DLGAP2: variants seen among roughly 807,000 people sequenced by gnomAD.
DLGAP2 encodes DLG associated protein 2.
A neutral mutation model predicts 100.3 loss-of-function variants in DLGAP2; 26 were observed. The ratio of observed to expected loss-of-function variants is 0.26; its 90% CI spans 0.19 to 0.36. The LOEUF (loss-of-function observed/expected upper bound fraction) is 0.36, where lower values mean the gene tolerates loss of function less well. Among genes scored for constraint, DLGAP2 ranks in the 10% least tolerant of loss-of-function variants. The pLI is 1.00. For synonymous variants in DLGAP2, 886 were observed against 630.1 expected (o/e 1.41, Z -6.08); for missense variants, 1,858 against 1,453.2 (o/e 1.28, Z -4.53).
chr8:1,068,564 C>G (rs1173624953), intron 2 of DLGAP2, among the ~76,000 whole-genome samples: 1 of 152,194 alleles, frequency 6.6e-6, no homozygotes, highest in East Asian at 1.9e-4. Flanking sequence ...GTGGCTCTAT[C>G]TGTGCATCCT....
chr8:1,302,299 G>A lies in DLGAP2; in HGVS notation c.106+43416G>A, dbSNP rs36132291. On this transcript the variant is annotated intron_variant, in intron 3 of 14. Transcript: ENST00000637795. ...CTGCTCCACACCTGGGACCGGACTC[G>A]GAATTTTCTGTGAGTTCCCGAGCTC... 2.5e-3 allele frequency: 266 copies of A among 104,396 alleles called. 1 individual carries two copies. The highest frequency in any genetic ancestry group is 5.8e-3 in the African/African-American group (116 of 19,924). 6.5% of individuals were successfully genotyped at this position (104,396 alleles called of 1,614,324 possible). A position where few individuals can be genotyped will look rare whatever the true frequency, so the allele number is the denominator to read the frequency against.
At chr8:1,433,025 G>T (rs1441937310) in intron 3 of DLGAP2, among the ~76,000 whole-genome samples, 1 of 152,190 alleles carries the variant, frequency 6.6e-6, no homozygotes, top group African/African-American at 2.4e-5. Context: ...CCCACAGTCT[G>T]CTCTCCTCAT....
At chr8:1,164,413 C>T (rs562736206) in intron 2 of DLGAP2, among the ~76,000 whole-genome samples, 1 of 89,914 alleles carries the variant, frequency 1.1e-5, no homozygotes, top group East Asian at 3.1e-4. Context: ...TTTGGTTTCT[C>T]TGGAGCTGCG....
chr8:1,689,562 G>C (rs1322005782), intron 12 of DLGAP2, among the ~76,000 whole-genome samples: 1 of 152,228 alleles, frequency 6.6e-6, no homozygotes, highest in African/African-American at 2.4e-5. Context: ...GGCTGGGCTA[G>C]TTAAACCGCA....
intron 2 of DLGAP2, among the ~76,000 whole-genome samples, chr8:1,004,710 C>T (rs547930323): frequency 3.5e-4 from 54 of 152,266 alleles, no homozygotes; most frequent in African/African-American, 1.2e-3. Flanking sequence ...CCAGTATGTG[C>T]GGCATCTTTC....
At chr8:1,249,929 G>A (rs1008898823) in intron 2 of DLGAP2, among the ~76,000 whole-genome samples, 1 of 152,088 alleles carries the variant, frequency 6.6e-6, no homozygotes, top group African/African-American at 2.4e-5. Flanking sequence ...CACCCAGGCT[G>A]GAGTGCAGTG....
intron 1 of DLGAP2, among the ~76,000 whole-genome samples, chr8:862,321 G>A (rs919090087): frequency 4.4e-4 from 51 of 116,904 alleles, no homozygotes; most frequent in African/African-American, 1.5e-3. Flanking sequence ...TTTTTTTCTT[G>A]AGACGTAGTC....
chr8:1,346,301 C>T (rs1408172970), intron 3 of DLGAP2, among the ~76,000 whole-genome samples: 1 of 151,514 alleles, frequency 6.6e-6, no homozygotes, highest in Non-Finnish European at 1.5e-5. Context: ...CTGCATTGCT[C>T]TCATGGTAGC....
Position 1,463,707 on chromosome 8 carries a change from C to G in DLGAP2, c.107-37659C>G, listed in dbSNP as rs112776789. On this transcript the variant is annotated intron_variant, in intron 3 of 14. Transcript: ENST00000637795. ...CATTCGTGAAAACAGACTTGCTGAC[C>G]AGGCACTGGCCACGTTGAACATGGT... 2.7e-3 allele frequency among the ~76,000 whole-genome samples: 414 copies of G among 152,364 alleles called. 3 individuals carry two copies. The highest frequency in any genetic ancestry group is 9.4e-3 in the African/African-American group (392 of 41,596).
intron 3 of DLGAP2, among the ~76,000 whole-genome samples, chr8:1,432,318 C>G (rs1477413538): frequency 6.6e-6 from 1 of 152,160 alleles, no homozygotes; most frequent in Non-Finnish European, 1.5e-5. Context: ...TGAGAAACTG[C>G]TTTTATATTC....
At chr8:760,958 C>T (rs941279264) in intron 1 of DLGAP2, among the ~76,000 whole-genome samples, 2 of 152,080 alleles carry the variant, frequency 1.3e-5, no homozygotes, top group Non-Finnish European at 2.9e-5. Context: ...TCCAATTTTG[C>T]GAGTGGGTGG....
intron 2 of DLGAP2, among the ~76,000 whole-genome samples, chr8:1,008,010 C>G (rs1400599511): frequency 1.3e-5 from 2 of 152,106 alleles, no homozygotes; most frequent in African/African-American, 4.8e-5. Context: ...ATGAGCAGGG[C>G]CCTGAATGTG....
intron 3 of DLGAP2, among the ~76,000 whole-genome samples, chr8:1,326,237 A>T (rs960853712): frequency 1.1e-4 from 17 of 152,384 alleles, no homozygotes; most frequent in African/African-American, 4.1e-4. Context: ...AAATAAAAAT[A>T]AAAGGGCATT....
intron 2 of DLGAP2, among the ~76,000 whole-genome samples, chr8:966,900 T>C (rs1799885423): frequency 6.6e-6 from 1 of 152,270 alleles, no homozygotes; most frequent in South Asian, 2.1e-4. Flanking sequence ...CCTGAGCTTA[T>C]TTTGTGCTTC....
intron 3 of DLGAP2, among the ~76,000 whole-genome samples, chr8:1,422,087 C>T (rs1485885324): frequency 1.3e-5 from 2 of 152,174 alleles, no homozygotes; most frequent in African/African-American, 2.4e-5. Context: ...GCGTTTGTTA[C>T]TCCATGGAAT....
At chr8:979,258 A>C (rs761802964) in intron 2 of DLGAP2, among the ~76,000 whole-genome samples, 1 of 152,224 alleles carries the variant, frequency 6.6e-6, no homozygotes, top group Non-Finnish European at 1.5e-5. Context: ...ACAGTAAGCA[A>C]ATGGAGATTA....
chr8:885,541 A>G (rs1461906396), intron 1 of DLGAP2, among the ~76,000 whole-genome samples: 2 of 152,292 alleles, frequency 1.3e-5, no homozygotes, highest in South Asian at 4.1e-4. Context: ...ATGAAGTTTT[A>G]TAAATATAAA....
chr8:1,668,284 C>T (rs201153998), intron 8 of DLGAP2, 45 bp from the exon 9 acceptor site: 22 of 1,434,560 alleles, frequency 1.5e-5, no homozygotes, highest in African/African-American at 1.3e-4. Flanking sequence ...CACAGGCTGA[C>T]GGGGAAGAAC....
chr8:1,277,483 A>G (rs1176197478), intron 3 of DLGAP2, among the ~76,000 whole-genome samples: 9 of 152,144 alleles, frequency 5.9e-5, no homozygotes, highest in Non-Finnish European at 1.0e-4. Context: ...GGAGTGGCCA[A>G]TTTTACCAGG....
Sources: gnomAD v4.1 joint callset for allele counts (sites outside exome capture counted in the v4.1 genomes callset) on GRCh38, gnomAD v4.1.1 for gene constraint, MANE v1.5 for transcripts, NCBI Gene and HGNC (gene_info 2026-07-23, HGNC 2026-07-21) for gene names.